CTBP1: variants seen among roughly 807,000 people sequenced by gnomAD.
The protein encoded by CTBP1 is C-terminal-binding protein 1.
Under a neutral mutation model 42.1 loss-of-function variants are expected in CTBP1, and 11 were observed. The observed-to-expected ratio is 0.26, with a 90% CI of 0.16 to 0.43. The LOEUF (loss-of-function observed/expected upper bound fraction) is 0.43. Ranked by LOEUF, CTBP1 falls within the 20% of genes least tolerant of loss-of-function variation. The pLI, the probability that CTBP1 is intolerant of heterozygous loss-of-function variation, is 1.00. For synonymous variants in CTBP1, 324 were observed against 277.1 expected (o/e 1.17, Z -1.68); for missense variants, 399 against 624.3 (o/e 0.64, Z 3.85).
chr4:1,225,402 C>A lies in CTBP1; in HGVS notation c.472G>T (p.Ala158Ser), dbSNP rs1348305467. 1 of 1,566,784 alleles carries A rather than the reference C, an allele frequency of 6.4e-7. No individual in the cohort carries two copies. The highest frequency in any genetic ancestry group is 8.6e-7 in the Non-Finnish European group (1 of 1,160,766). ...AAGGTCTCCCCGCGGATCCTGGCAG[C>A]GCCGGACGCCACCTCGCGGATCTGC... is the stretch of plus-strand genomic sequence containing the variant. ...VEQIREVASG[A>S]ARIRGETLGI... is the part of the protein sequence containing the mutation. The change falls in exon 5 of 10, where the codon GCT becomes TCT. Residue 158 changes from alanine (A) to serine (S), a missense_variant. Physicochemically the swap from Ala to Ser is moderately conservative, Grantham distance 99. Transcript: ENST00000382952.
At chr4:1,215,813 A>G in intron 6 of CTBP1, 178 bp downstream of exon 6, 2 of 640,608 alleles carry the variant, frequency 3.1e-6, no homozygotes, top group Non-Finnish European at 5.4e-6. Flanking sequence ...CTCAGAACAC[A>G]GAAAACGCTG....
At chr4:1,222,041 G>A (rs572057447) in intron 5 of CTBP1, among the ~76,000 whole-genome samples, 1 of 152,252 alleles carries the variant, frequency 6.6e-6, no homozygotes, top group South Asian at 2.1e-4. Flanking sequence ...CCACACACGC[G>A]GATTCCACGC....
chr4:1,229,011 C>T (rs989977334), intron 3 of CTBP1, among the ~76,000 whole-genome samples: 2 of 152,228 alleles, frequency 1.3e-5, no homozygotes. Context: ...TTTCAGTGTC[C>T]ATGACAACTC....
At chr4:1,247,722 T>C (rs1477166993) in intron 1 of CTBP1, among the ~76,000 whole-genome samples, 2 of 134,066 alleles carry the variant, frequency 1.5e-5, no homozygotes, top group Non-Finnish European at 3.2e-5. Context: ...CCGAGGGACG[T>C]GTGCTCCCTG....
intron 5 of CTBP1, chr4:1,221,845 ACAGTGCATTTTT>A: frequency 2.3e-6 from 1 of 433,108 alleles, no homozygotes. Context: ...TGCACCTAAG[ACAGTGCATTTTT>A]CAGAAGGAAG....
At chr4:1,243,334 G>A (rs1398282440) in intron 1 of CTBP1, 10 of 985,396 alleles carry the variant, frequency 1.0e-5, no homozygotes, top group African/African-American at 7.0e-5. Context: ...GTGAGCTCCC[G>A]AGCTGAGGAA....
intron 4 of CTBP1, among the ~76,000 whole-genome samples, chr4:1,226,904 G>C (rs73793138): frequency 0.021 from 3,251 of 152,030 alleles, 118 homozygotes; most frequent in African/African-American, 0.074. Flanking sequence ...TCCCCCGCAG[G>C]AACACAGACG....
In CTBP1 at chr4:1,238,290, C is replaced by A; in HGVS notation, c.55G>T (p.Val19Leu). ...MNGPLHPRPL[V>L]ALLDGRDCTV... Reference sequence around the variant, plus strand: ...CAGTCCCGGCCATCCAGCAATGCCACCAGGGGCCGCGGGTGCAGGGGCCCG... The same window carrying A: ...CAGTCCCGGCCATCCAGCAATGCCAACAGGGGCCGCGGGTGCAGGGGCCCG... The change falls in exon 3 of 10, where the codon GTG becomes TTG. Residue 19 changes from valine (V) to leucine (L), a missense_variant. Physicochemically the swap from Val to Leu is conservative, Grantham distance 32. Transcript: ENST00000382952. This position sits in a 1 kb window ranked among gnomAD's most constrained non-coding sequence, Gnocchi z 5.9. The A allele has an allele frequency of 6.3e-7, 1 of 1,597,346 alleles. No homozygotes were observed. The highest frequency in any genetic ancestry group is 1.7e-5 in the Admixed American group (1 of 59,072).
chr4:1,221,970 G>A lies in CTBP1; in HGVS notation c.514+3390C>T, dbSNP rs1448631299. 16 of 311,042 alleles carry A rather than the reference G, an allele frequency of 5.1e-5. 1 individual carries two copies. The highest frequency in any genetic ancestry group is 1.2e-4 in the South Asian group (5 of 42,100). The allele number at this position is 311,042 out of a possible 1,614,324, so 19.3% of individuals were successfully genotyped here. A position where few individuals can be genotyped will look rare whatever the true frequency, so the allele number is the denominator to read the frequency against. ...AGGAAGCGGCCGCCCCCTAGTCTGC[G>A]CCGAGTGGCACCAACACCGTGAGCC... On this transcript the variant is annotated intron_variant, in intron 5 of 9. Coordinates refer to ENST00000382952, the MANE Select transcript of CTBP1 (RefSeq NM_001012614.2).
chr4:1,248,809 C>T (rs895916945), intron 1 of CTBP1, 107 bp downstream of exon 1: 4 of 934,634 alleles, frequency 4.3e-6, no homozygotes, highest in South Asian at 9.8e-5. Flanking sequence ...ACAAAGCCGG[C>T]GGCCCGCGGG....
rs575628712 is a variant in CTBP1, at chr4:1,239,896, C to T, written c.7+1429G>A. Among the ~76,000 whole-genome samples the T allele has an allele frequency of 2.6e-5, 4 of 152,380 alleles. No homozygotes were observed. In the South Asian group the frequency reaches 8.3e-4, roughly 32 times the overall value. Reference sequence around the variant, plus strand: ...CCTCTGGACGGGAGCTGCCCACGAGCACCATAGACAGGCCGCCCAGTGACA... The same window carrying T: ...CCTCTGGACGGGAGCTGCCCACGAGTACCATAGACAGGCCGCCCAGTGACA... On this transcript the variant is annotated intron_variant, in intron 2 of 9. Transcript: ENST00000382952.
chr4:1,223,817 A>G (rs1048433256), intron 5 of CTBP1, among the ~76,000 whole-genome samples: 5 of 152,098 alleles, frequency 3.3e-5, no homozygotes, highest in African/African-American at 1.2e-4. Context: ...TCACACACGC[A>G]CACACACACG....
intron 1 of CTBP1, chr4:1,242,230 A>G: frequency 1.0e-6 from 1 of 985,410 alleles, no homozygotes; most frequent in Non-Finnish European, 1.2e-6. Context: ...CTTCCAGTAG[A>G]GGCTTGAGAG....
At chr4:1,239,414 G>C (rs778024667) in intron 2 of CTBP1, among the ~76,000 whole-genome samples, 1 of 152,218 alleles carries the variant, frequency 6.6e-6, no homozygotes, top group Non-Finnish European at 1.5e-5. Flanking sequence ...GCCAGCAGGA[G>C]GGGAGGCGCA....
At chr4:1,245,580 G>T in intron 1 of CTBP1, 2 of 982,668 alleles carry the variant, frequency 2.0e-6, no homozygotes, top group Non-Finnish European at 2.4e-6. Flanking sequence ...CGGTGACACG[G>T]GCGGCAGGGA....
chr4:1,221,887 G>T, intron 5 of CTBP1: 2 of 383,262 alleles, frequency 5.2e-6, no homozygotes, highest in Admixed American at 3.4e-5. Flanking sequence ...GAAGGAGGGA[G>T]GAAAGAAAGA....
chr4:1,249,199 C>A (rs1733100787), upstream of CTBP1: 1 of 147,642 alleles, frequency 6.8e-6, no homozygotes, highest in African/African-American at 2.4e-5. Flanking sequence ...GGGCGGCGCA[C>A]GGACTCACGC....
At chr4:1,229,092 T>G (rs1730694998) in intron 3 of CTBP1, among the ~76,000 whole-genome samples, 1 of 152,162 alleles carries the variant, frequency 6.6e-6, no homozygotes. Flanking sequence ...GCGCCTCCAC[T>G]CAGCCAGTAC....
intron 1 of CTBP1, among the ~76,000 whole-genome samples, chr4:1,247,602 C>T (rs1452542686): frequency 6.6e-6 from 1 of 152,076 alleles, no homozygotes; most frequent in Admixed American, 6.5e-5. Context: ...CGGTTCTCCC[C>T]CAACCCTGCC....
Sources: allele counts gnomAD v4.1 joint callset (sites outside exome capture counted in the v4.1 genomes callset), GRCh38; gene constraint gnomAD v4.1.1; non-coding constraint Gnocchi (gnomAD v3.1); transcripts MANE v1.5; gene names NCBI Gene and HGNC (gene_info 2026-07-23, HGNC 2026-07-21).